Variants in MYLIP observed in about 807,000 individuals in gnomAD.
MYLIP encodes myosin regulatory light chain interacting protein, also known as E3 ubiquitin-protein ligase MYLIP.
MYLIP carries 26 observed loss-of-function variants against 45.8 expected under a neutral mutation model. The observed-to-expected ratio is 0.57, with a 90% CI of 0.42 to 0.79. The LOEUF is 0.79. Among genes scored for constraint, MYLIP ranks in the 30% least tolerant of loss-of-function variants. MYLIP has a pLI of 0.00. For synonymous variants in MYLIP, 213 were observed against 218.1 expected, an observed-to-expected ratio of 0.98 and a Z score of 0.21; for missense variants, 494 against 555.6, an observed-to-expected ratio of 0.89 and a Z score of 1.11.
At chr6:16,158,726 C>T in the MYLIP span, among the ~76,000 whole-genome samples, 5 of 152,166 alleles carry the variant, frequency 3.3e-5, no homozygotes, top group East Asian at 1.9e-4. Flanking sequence ...AAAAATTAGC[C>T]GCGCGTGGTG....
At chr6:16,146,476 C>G (rs1016843735) in intron 6 of MYLIP, among the ~76,000 whole-genome samples, 186 bp from the exon 7 acceptor site, 1 of 152,056 alleles carries the variant, frequency 6.6e-6, no homozygotes, top group Non-Finnish European at 1.5e-5. Context: ...ATTTTTAAGC[C>G]CTTGTAAAGT....
chr6:16,139,200 A>G (rs549565728), intron 2 of MYLIP, among the ~76,000 whole-genome samples: 10 of 152,288 alleles, frequency 6.6e-5, no homozygotes, highest in Non-Finnish European at 1.2e-4. Context: ...CAGGAGATTG[A>G]GACCATCCTG....
chr6:16,156,594 TG>T, the MYLIP span, among the ~76,000 whole-genome samples: 1 of 152,226 alleles, frequency 6.6e-6, no homozygotes, highest in East Asian at 1.9e-4. Flanking sequence ...CATAAAGCTT[TG>T]GGGCACCCAA....
chr6:16,162,855 C>T, the MYLIP span, among the ~76,000 whole-genome samples: 235 of 145,050 alleles, frequency 1.6e-3, no homozygotes, highest in Non-Finnish European at 3.0e-3. Context: ...GTGAAATAAG[C>T]AATTGCAGTT....
chr6:16,145,078 G>A lies in MYLIP; in HGVS notation c.1009G>A (p.Asp337Asn). The change falls in exon 6 of 7, where the codon GAC becomes AAC. Residue 337 changes from aspartate (D) to asparagine (N), a missense_variant. Transcript: ENST00000356840. ...GGCTCTGTACAATGCTGGCGTTGTG[G>A]ACCTCGTTTCAAGAAACAACCAGAG... ...RRALYNAGVV[D>N]LVSRNNQSPS... 6.2e-7 allele frequency: 1 copy of A among 1,614,176 alleles called. No homozygotes were observed. The highest frequency in any genetic ancestry group is 1.1e-5 in the South Asian group (1 of 91,072).
chr6:16,159,347 T>G, the MYLIP span, among the ~76,000 whole-genome samples: 1 of 152,128 alleles, frequency 6.6e-6, no homozygotes, highest in Admixed American at 6.5e-5. Flanking sequence ...GCCAGCTCCC[T>G]GGAAGAAAGC....
Position 16,145,227 on chromosome 6 carries a change from G to A in MYLIP, c.1158G>A (p.Leu386=), listed in dbSNP as rs1759764109. ...TACGCAAGCTGAAGGAAGCCATGCT[G>A]TGCATGGTGTGCTGCGAGGAGGAGA... The part of the protein sequence containing the change: ...EKLRKLKEAM[L]CMVCCEEEIN... The change falls in exon 6 of 7, where the codon CTG becomes CTA. Residue 386 remains leucine (L), a synonymous_variant. Coordinates refer to ENST00000356840, the MANE Select transcript of MYLIP (RefSeq NM_013262.4). 1 of 1,614,052 alleles carries A rather than the reference G, an allele frequency of 6.2e-7. No individual in the cohort carries two copies. The highest frequency in any genetic ancestry group is 8.5e-7 in the Non-Finnish European group (1 of 1,179,958).
chr6:16,145,413 C>A, intron 6 of MYLIP, 96 bp downstream of exon 6: 2 of 1,348,146 alleles, frequency 1.5e-6, no homozygotes, highest in Non-Finnish European at 2.0e-6. Context: ...AATGCACAGA[C>A]GGGGAATGCC....
chr6:16,153,197 T>C (rs1001760857), downstream of MYLIP, among the ~76,000 whole-genome samples: 3 of 152,228 alleles, frequency 2.0e-5, no homozygotes, highest in East Asian at 3.8e-4. Context: ...CCATTGCTAG[T>C]AATGTGCCCT....
chr6:16,141,616 G>A lies in MYLIP; in HGVS notation c.279-9G>A. Reference sequence around the variant, plus strand: ...CCAAGCATAACCTCACTCTCACCTTGCTTTGCAGGCATATCTTTTTCTTGC... The same window carrying A: ...CCAAGCATAACCTCACTCTCACCTTACTTTGCAGGCATATCTTTTTCTTGC... On this transcript the variant is annotated splice_polypyrimidine_tract_variant and intron_variant, in intron 2 of 6. Transcript: ENST00000356840. The A allele has an allele frequency of 1.2e-6, 2 of 1,608,748 alleles. No homozygotes were observed. The highest frequency in any genetic ancestry group is 1.7e-6 in the Non-Finnish European group (2 of 1,176,088).
At chr6:16,137,671 A>T (rs930411984) in intron 2 of MYLIP, among the ~76,000 whole-genome samples, 1 of 152,168 alleles carries the variant, frequency 6.6e-6, no homozygotes, top group Non-Finnish European at 1.5e-5. Context: ...TTTGATTCCT[A>T]GATAATTGCT....
intron 1 of MYLIP, among the ~76,000 whole-genome samples, 163 bp from the exon 2 acceptor site, chr6:16,130,394 G>C (rs1355984867): frequency 2.6e-5 from 4 of 152,156 alleles, no homozygotes; most frequent in Non-Finnish European, 4.4e-5. Context: ...CTCGTGGTTT[G>C]GTATCATTGG....
In MYLIP at chr6:16,143,721, A is replaced by G. The variant is rs761323849; in HGVS notation, c.685A>G (p.Met229Val). Reference sequence around the variant, plus strand: ...TAGGATAGCTTATCCTGTGGTGCAGATGGCCACCCAGTCAGGAAAGAATGT... The same window carrying G: ...TAGGATAGCTTATCCTGTGGTGCAGGTGGCCACCCAGTCAGGAAAGAATGT... ...INRIAYPVVQ[M>V]ATQSGKNVYL... Residue 229 changes from methionine to valine, a missense_variant, in exon 5 of 7, where the codon ATG (methionine) becomes GTG (valine). By Grantham distance (21) the Met-to-Val change is conservative. Coordinates refer to ENST00000356840, the MANE Select transcript of MYLIP (RefSeq NM_013262.4). 18 of 1,614,104 alleles carry G rather than the reference A, an allele frequency of 1.1e-5. No homozygotes were observed. In the East Asian group the frequency reaches 3.8e-4, roughly 34 times the overall value.
chr6:16,151,343 T>C (rs1454100270), downstream of MYLIP, among the ~76,000 whole-genome samples: 1 of 147,348 alleles, frequency 6.8e-6, no homozygotes, highest in East Asian at 2.0e-4. Context: ...GGCGACAGAG[T>C]GAGACTCCAT....
chr6:16,144,828 T>G, intron 5 of MYLIP, 69 bp from the exon 6 acceptor site: 1 of 1,512,212 alleles, frequency 6.6e-7, no homozygotes, highest in South Asian at 1.3e-5. Flanking sequence ...CTGTTCTTAT[T>G]GACAACAGCG....
At chr6:16,150,906 G>A (rs1015000009), downstream of MYLIP, among the ~76,000 whole-genome samples, 9 of 152,144 alleles carry the variant, frequency 5.9e-5, no homozygotes, top group Admixed American at 5.9e-4. Flanking sequence ...GGAAGTTCTG[G>A]GGGGAAGTGT....
In MYLIP at chr6:16,145,181, C is replaced by G. The variant is rs763042096; in HGVS notation, c.1112C>G (p.Thr371Ser). 6.2e-7 allele frequency: 1 copy of G among 1,614,140 alleles called. No individual in the cohort carries two copies. Residue 371 changes from threonine to serine, a missense_variant, in exon 6 of 7, where the codon ACC becomes AGC. Coordinates refer to ENST00000356840, the MANE Select transcript of MYLIP (RefSeq NM_013262.4). ...SSCEGLSCQQ[T>S]RVLQEKLRKL... ...TGCGAGGGCCTCAGCTGCCAGCAGA[C>G]CCGGGTGCTGCAGGAGAAGCTACGC...
the MYLIP span, among the ~76,000 whole-genome samples, chr6:16,160,451 C>T: frequency 2.6e-5 from 4 of 152,164 alleles, no homozygotes; most frequent in Non-Finnish European, 4.4e-5. Context: ...AATTCGATTC[C>T]TCCTGTCACG....
intron 2 of MYLIP, 21 bp downstream of exon 2, chr6:16,130,768 C>T (rs376744762): frequency 5.6e-6 from 9 of 1,603,128 alleles, no homozygotes; most frequent in Non-Finnish European, 7.7e-6. Flanking sequence ...CTAAAATAAA[C>T]CAATGTCAAA....
Sources: gnomAD v4.1 joint callset for allele counts (sites outside exome capture counted in the v4.1 genomes callset) on GRCh38, gnomAD v4.1.1 for gene constraint, MANE v1.5 for transcripts, NCBI Gene and HGNC (gene_info 2026-07-23, HGNC 2026-07-21) for gene names.